The following BICRAL variants were observed in gnomAD, a reference collection of about 807,000 sequenced individuals.
BICRAL encodes BICRA like chromatin remodeling complex associated protein.
A neutral mutation model predicts 91.8 loss-of-function variants in BICRAL; 8 were observed. That is an observed-to-expected ratio of 0.09 (90% CI 0.05 to 0.16). The LOEUF is 0.16. BICRAL is among the 10% of genes least tolerant of loss of function. The probability of loss-of-function intolerance (pLI) is 1.00; values close to 1 mark genes in which losing one functional copy is unlikely to be tolerated. For synonymous variants in BICRAL, 445 were observed against 491.1 expected (o/e 0.91, Z 1.24); for missense variants, 1,038 against 1,310.9 (o/e 0.79, Z 3.21).
At chr6:42,854,146 A>G (rs1377878139) in intron 8 of BICRAL, among the ~76,000 whole-genome samples, 1 of 152,164 alleles carries the variant, frequency 6.6e-6, no homozygotes, top group African/African-American at 2.4e-5. Flanking sequence ...GCGTATAGGA[A>G]GTAGGCCATC....
chr6:42,748,104 CT>C (rs35511368), intron 1 of BICRAL, among the ~76,000 whole-genome samples: 1,594 of 124,554 alleles, frequency 0.013, 15 homozygotes, highest in East Asian at 0.039. Flanking sequence ...GTGCCTGGCC[CT>C]TTTTTTTTTT....
At chr6:42,840,845 G>A (rs139142316) in intron 6 of BICRAL, among the ~76,000 whole-genome samples, 2,164 of 151,704 alleles carry the variant, frequency 0.014, 46 homozygotes, top group African/African-American at 0.05. Context: ...AGGCCGAAGC[G>A]GGTGGATCAC....
chr6:42,760,733 G>C (rs1762531239), intron 1 of BICRAL, among the ~76,000 whole-genome samples: 1 of 152,084 alleles, frequency 6.6e-6, no homozygotes, highest in Admixed American at 6.6e-5. Flanking sequence ...TTGTCAAAAG[G>C]TACATAAGAC....
chr6:42,865,353 C>G lies in BICRAL; in HGVS notation c.3147C>G (p.Asn1049Lys), dbSNP rs1765683068. The G allele has an allele frequency of 6.2e-7, 1 of 1,613,434 alleles. No homozygotes were observed. Among genetic ancestry groups the G allele is most frequent in the Non-Finnish European group, 8.5e-7 (1 of 1,179,482 alleles). The change falls in exon 13 of 13, where the codon AAC becomes AAG. Residue 1049 changes from asparagine (N) to lysine (K), a missense_variant. Asn to Lys is a moderately conservative substitution (Grantham distance 94). Transcript: ENST00000314073. ...TTTCTCCTATGGCTTCACAGGAAAA[C>G]TGCCTGGAAAAGTTCATCCCGGACC... ...PNFSPMASQENCLEKFIPDHS... is the reference protein window; with the variant it reads ...PNFSPMASQEKCLEKFIPDHS...
chr6:42,849,441 A>ATT lies in BICRAL; in HGVS notation c.1840-2634_1840-2633dup, dbSNP rs34512306. 1.8e-3 allele frequency among the ~76,000 whole-genome samples: 245 copies of ATT among 135,328 alleles called. 1 individual carries two copies. The highest frequency in any genetic ancestry group is 7.9e-3 in the Middle Eastern group (2 of 254). The allele number at this position is 135,328 out of a possible 152,430, so 88.8% of individuals were successfully genotyped here. On this transcript the variant is annotated intron_variant, in intron 6 of 12. Coordinates refer to ENST00000314073, the MANE Select transcript of BICRAL (RefSeq NM_001393499.1). ...CCAAATAATTAATTGTTTAGAACAGATTTTTTTTTTTTTTTTTTGAGACAG... is the reference window on the plus strand; with the variant it reads ...CCAAATAATTAATTGTTTAGAACAGATTTTTTTTTTTTTTTTTTTTGAGACAG...
chr6:42,792,063 C>T (rs1763289788), intron 1 of BICRAL, among the ~76,000 whole-genome samples: 1 of 151,954 alleles, frequency 6.6e-6, no homozygotes, highest in South Asian at 2.1e-4. Context: ...AAATGGTGCA[C>T]CTGTATAGGG....
At chr6:42,783,181 G>C (rs1482988938) in intron 1 of BICRAL, among the ~76,000 whole-genome samples, 2 of 151,536 alleles carry the variant, frequency 1.3e-5, no homozygotes, top group African/African-American at 2.4e-5. Flanking sequence ...CACCTGCCGC[G>C]GGACTGCCCC....
At chr6:42,789,374 C>T (rs112084261) in intron 1 of BICRAL, among the ~76,000 whole-genome samples, 21 of 152,118 alleles carry the variant, frequency 1.4e-4, no homozygotes, top group African/African-American at 4.6e-4. Context: ...GGGCCCATGG[C>T]TCACACCTAC....
rs200666345 is a variant in BICRAL, at chr6:42,860,313, C to T, written c.2306C>T (p.Ala769Val). 39 of 1,610,708 alleles carry T rather than the reference C, an allele frequency of 2.4e-5. No homozygotes were observed. In the South Asian group the frequency reaches 3.8e-4, roughly 16 times the overall value. ...VATQLLKRTQ[A>V]MLNKYRCLLL... Reference sequence around the variant, plus strand: ...ACTCAGCTCCTAAAAAGGACCCAAGCTATGCTTAACAAATACAGATGCCTG... The same window carrying T: ...ACTCAGCTCCTAAAAAGGACCCAAGTTATGCTTAACAAATACAGATGCCTG... Residue 769 changes from alanine to valine, a missense_variant, in exon 11 of 13, where the codon GCT (alanine) becomes GTT (valine). Ala to Val is a moderately conservative substitution (Grantham distance 64). This residue lies in a region of BICRAL where 294 missense variants were observed against 292.6 expected (regional missense o/e 1.00). Coordinates refer to ENST00000314073, the MANE Select transcript of BICRAL (RefSeq NM_001393499.1).
chr6:42,839,938 T>C (rs1764736796), intron 6 of BICRAL, among the ~76,000 whole-genome samples: 1 of 152,214 alleles, frequency 6.6e-6, no homozygotes, highest in South Asian at 2.1e-4. Flanking sequence ...GAACTAAGTC[T>C]TTTTGTGCAG....
intron 6 of BICRAL, among the ~76,000 whole-genome samples, chr6:42,843,824 G>C (rs1391206853): frequency 6.8e-6 from 1 of 147,382 alleles, no homozygotes; most frequent in African/African-American, 2.5e-5. Flanking sequence ...TTTTTGAGAC[G>C]GAGTCTCACT....
chr6:42,806,625 G>A (rs749324717), intron 1 of BICRAL, among the ~76,000 whole-genome samples: 10 of 149,894 alleles, frequency 6.7e-5, no homozygotes, highest in East Asian at 3.9e-4. Context: ...TGATCCTCCC[G>A]CCTTAGCCTC....
rs140702328 is a variant in BICRAL at position 42,837,225 on chromosome 6, G to A, written c.1839+7053G>A. Among the ~76,000 whole-genome samples, 32 of 152,116 alleles carry A rather than the reference G, an allele frequency of 2.1e-4. 1 individual carries two copies. In the East Asian group the frequency reaches 5.6e-3, roughly 27 times the overall value. ...GCCTCCCAAAGTGCTGGGGTTACAG[G>A]TGTAAGCCACTGCACTCAGTTTTTC... is the stretch of plus-strand genomic sequence containing the variant. On this transcript the variant is annotated intron_variant, in intron 6 of 12. Transcript: ENST00000314073.
chr6:42,790,958 A>G (rs951035574), intron 1 of BICRAL, among the ~76,000 whole-genome samples: 1 of 151,968 alleles, frequency 6.6e-6, no homozygotes, highest in African/African-American at 2.4e-5. Flanking sequence ...GTGGATTTTA[A>G]AAGGAAAGCC....
intron 10 of BICRAL, among the ~76,000 whole-genome samples, chr6:42,859,321 G>A (rs1159078929): frequency 1.3e-5 from 2 of 151,908 alleles, no homozygotes; most frequent in African/African-American, 4.8e-5. Flanking sequence ...GAACCCGGGA[G>A]GAGAAGGTTG....
At chr6:42,778,391 C>T (rs1762831492), upstream of BICRAL, among the ~76,000 whole-genome samples, 1 of 152,178 alleles carries the variant, frequency 6.6e-6, no homozygotes, top group African/African-American at 2.4e-5. Context: ...CTGAAACTAT[C>T]CTATTGGGAA....
intron 1 of BICRAL, among the ~76,000 whole-genome samples, chr6:42,760,421 TC>T (rs1762527693): frequency 6.7e-6 from 1 of 148,368 alleles, no homozygotes; most frequent in Admixed American, 6.7e-5. Flanking sequence ...GGGAAAGGAG[TC>T]CAGGGGCAAG....
intron 1 of BICRAL, among the ~76,000 whole-genome samples, chr6:42,809,528 C>G (rs1489308110): frequency 6.6e-6 from 1 of 151,176 alleles, no homozygotes; most frequent in East Asian, 1.9e-4. Context: ...CCTCTGCCTC[C>G]CAGGTTCAAG....
At chr6:42,857,759 G>GGTTTTGC (rs1465559733) in intron 10 of BICRAL, among the ~76,000 whole-genome samples, 1 of 147,468 alleles carries the variant, frequency 6.8e-6, no homozygotes, top group African/African-American at 2.5e-5. Context: ...TCTACACAGT[G>GGTTTTGC]GTTTTGCATA....
Sources: allele counts gnomAD v4.1 joint callset (sites outside exome capture counted in the v4.1 genomes callset), GRCh38; gene constraint gnomAD v4.1.1; regional missense constraint gnomAD v4.1.1; transcripts MANE v1.5; gene names NCBI Gene and HGNC (gene_info 2026-07-23, HGNC 2026-07-21).